Variants in OSBPL6 observed in about 807,000 individuals in gnomAD.
OSBPL6 encodes oxysterol-binding protein-related protein 6.
OSBPL6 carries 49 observed loss-of-function variants against 125.8 expected under a neutral mutation model. The observed-to-expected ratio is 0.39, with a 90% CI of 0.31 to 0.49. OSBPL6 has a LOEUF of 0.49. Among genes scored for constraint, OSBPL6 ranks in the 20% least tolerant of loss-of-function variants. The pLI is 0.88. For missense variants in OSBPL6, 986 were observed against 1,135.4 expected, an observed-to-expected ratio of 0.87 and a Z score of 1.89; for synonymous variants, 394 against 391.8, an observed-to-expected ratio of 1.01 and a Z score of -0.07.
chr2:178,373,681 C>T (rs1460999720), intron 14 of OSBPL6, among the ~76,000 whole-genome samples: 2 of 152,166 alleles, frequency 1.3e-5, no homozygotes, highest in African/African-American at 4.8e-5. Flanking sequence ...AGGCACAGTA[C>T]CAACACCTTT....
chr2:178,194,034 T>C (rs997560129), upstream of OSBPL6, among the ~76,000 whole-genome samples: 1 of 152,198 alleles, frequency 6.6e-6, no homozygotes, highest in Non-Finnish European at 1.5e-5. Flanking sequence ...CCTTTCGGAA[T>C]TCGGTCTCCC....
intron 1 of OSBPL6, among the ~76,000 whole-genome samples, chr2:178,247,757 G>A (rs1006579235): frequency 7.9e-5 from 12 of 152,078 alleles, no homozygotes; most frequent in African/African-American, 2.2e-4. Context: ...CATTTAGTGC[G>A]GCACTTTCCT....
In OSBPL6 at chr2:178,331,532, G is replaced by C; in HGVS notation, c.319-20G>C. The C allele has an allele frequency of 6.2e-7, 1 of 1,613,664 alleles. No individual in the cohort carries two copies. Among genetic ancestry groups the C allele is most frequent in the East Asian group, 2.2e-5 (1 of 44,862 alleles). On this transcript the variant is annotated intron_variant, in intron 5 of 24. Coordinates refer to ENST00000190611, the MANE Select transcript of OSBPL6 (RefSeq NM_032523.4). ...TAATTCAAAATACAGACAGTAACTG[G>C]GGGTGTTTGGTTCTTGCAGCGTTTT...
intron 1 of OSBPL6, among the ~76,000 whole-genome samples, chr2:178,243,081 G>A (rs1193299437): frequency 6.6e-6 from 1 of 152,102 alleles, no homozygotes; most frequent in Non-Finnish European, 1.5e-5. Context: ...ATAACTCTGT[G>A]TAGTCGGTTG....
chr2:178,204,308 G>A (rs1182134182), intron 1 of OSBPL6, among the ~76,000 whole-genome samples: 1 of 152,188 alleles, frequency 6.6e-6, no homozygotes, highest in East Asian at 1.9e-4. Context: ...ACAGGTGTGA[G>A]CCACCCTGCC....
At chr2:178,330,312 G>A (rs1419206586) in intron 5 of OSBPL6, among the ~76,000 whole-genome samples, 1 of 152,226 alleles carries the variant, frequency 6.6e-6, no homozygotes, top group Non-Finnish European at 1.5e-5. Flanking sequence ...AAAACTGGCT[G>A]TGGTTTGGCA....
Position 178,396,038 on chromosome 2 carries a change from G to A in OSBPL6, c.*479G>A, listed in dbSNP as rs1695826656. 3.7e-6 allele frequency: 1 copy of A among 270,750 alleles called. No homozygotes were observed. The highest frequency in any genetic ancestry group is 4.4e-5 in the Admixed American group (1 of 22,582). 16.8% of individuals were successfully genotyped at this position (270,750 alleles called of 1,614,324 possible). A position where few individuals can be genotyped will look rare whatever the true frequency, so the allele number is the denominator to read the frequency against. On this transcript the variant is annotated 3_prime_UTR_variant, in exon 25 of 25. Transcript: ENST00000190611. The stretch of plus-strand genomic sequence containing the variant: ...CAAGTGTGTCTGTTTGATGTGGTGT[G>A]ATTGTGCTGGCCTTGTCGAAAAAGA...
At chr2:178,320,330 A>C in intron 3 of OSBPL6, 1 of 1,612,876 alleles carries the variant, frequency 6.2e-7, no homozygotes, top group Admixed American at 1.7e-5. Flanking sequence ...CTACAGTGAA[A>C]TATGTGTTCC....
chr2:178,241,480 A>G (rs1392393318), intron 1 of OSBPL6, among the ~76,000 whole-genome samples: 1 of 142,230 alleles, frequency 7.0e-6, no homozygotes, highest in Non-Finnish European at 1.5e-5. Flanking sequence ...CAGTGGTGTG[A>G]TCTCGGCTCA....
intron 4 of OSBPL6, among the ~76,000 whole-genome samples, chr2:178,326,643 A>G (rs1688718043): frequency 6.6e-6 from 1 of 152,186 alleles, no homozygotes; most frequent in African/African-American, 2.4e-5. Flanking sequence ...GAGTTGTTTC[A>G]TTTCTTACAC....
chr2:178,389,453 C>A (rs1383659107), intron 21 of OSBPL6, among the ~76,000 whole-genome samples: 1 of 152,218 alleles, frequency 6.6e-6, no homozygotes, highest in East Asian at 1.9e-4. Context: ...GAAAACACTT[C>A]TTGACTATAA....
intron 18 of OSBPL6, among the ~76,000 whole-genome samples, chr2:178,384,775 A>G (rs1023508071): frequency 6.6e-6 from 1 of 152,172 alleles, no homozygotes; most frequent in African/African-American, 2.4e-5. Context: ...ATCAATGTAC[A>G]TTGCCAGGTT....
chr2:178,245,226 A>C (rs1574612176), intron 1 of OSBPL6, among the ~76,000 whole-genome samples: 1 of 152,326 alleles, frequency 6.6e-6, no homozygotes, highest in Middle Eastern at 3.4e-3. Context: ...CCCAGTGGCC[A>C]AAAGCTCTTG....
intron 1 of OSBPL6, among the ~76,000 whole-genome samples, chr2:178,238,818 G>A (rs1395089581): frequency 6.6e-6 from 1 of 152,016 alleles, no homozygotes; most frequent in Non-Finnish European, 1.5e-5. Flanking sequence ...CCAAAATAAG[G>A]GGTTCTACTG....
chr2:178,313,754 T>C (rs1026251145), intron 3 of OSBPL6, among the ~76,000 whole-genome samples: 3 of 152,174 alleles, frequency 2.0e-5, no homozygotes, highest in African/African-American at 7.2e-5. Flanking sequence ...TCAACAGCAA[T>C]GCATTTCAAA....
chr2:178,298,705 T>TG (rs1483545973), intron 2 of OSBPL6, among the ~76,000 whole-genome samples: 2 of 146,646 alleles, frequency 1.4e-5, no homozygotes, highest in Admixed American at 1.4e-4. Flanking sequence ...CTTTTTTTTT[T>TG]GTTTTTTTTT....
intron 5 of OSBPL6, among the ~76,000 whole-genome samples, chr2:178,328,731 G>C (rs879377763): frequency 6.6e-6 from 1 of 151,944 alleles, no homozygotes; most frequent in African/African-American, 2.4e-5. Context: ...CAAGTGATCC[G>C]CCCACCTCAG....
At chr2:178,333,531 AG>A (rs2154078298) in intron 8 of OSBPL6, among the ~76,000 whole-genome samples, 1 of 152,396 alleles carries the variant, frequency 6.6e-6, no homozygotes, top group East Asian at 1.9e-4. Flanking sequence ...GTTAATTGCA[AG>A]TATAAATTAG....
intron 13 of OSBPL6, among the ~76,000 whole-genome samples, chr2:178,369,299 T>C (rs1215656984): frequency 6.6e-6 from 1 of 152,212 alleles, no homozygotes; most frequent in East Asian, 1.9e-4. Context: ...GATTATGCTC[T>C]TATCAGAGAG....
Sources: allele counts gnomAD v4.1 joint callset (sites outside exome capture counted in the v4.1 genomes callset), GRCh38; gene constraint gnomAD v4.1.1; transcripts MANE v1.5; gene names NCBI Gene and HGNC (gene_info 2026-07-23, HGNC 2026-07-21).